The following IL15RA variants were observed in gnomAD, a reference collection of about 807,000 sequenced individuals.
IL15RA encodes the protein interleukin-15 receptor subunit alpha.
A neutral mutation model predicts 24.2 loss-of-function variants in IL15RA; 26 were observed. The observed-to-expected ratio is 1.07, with a 90% CI of 0.79 to 1.49. The LOEUF is 1.49. Among genes scored for constraint, IL15RA ranks in the 40% most tolerant of loss-of-function variants. The pLI is 0.00. For synonymous variants in IL15RA, 166 were observed against 157.6 expected, an observed-to-expected ratio of 1.05 and a Z score of -0.40; for missense variants, 354 against 356.4, an observed-to-expected ratio of 0.99 and a Z score of 0.05.
In IL15RA at chr10:5,962,967, AAC is replaced by A. The variant is rs1299638677; in HGVS notation, c.382+774_382+775del. ...TGACAAGCACCAAAGACTCTGTTGA[AAC>A]ACAGGACACTGGCAGCTTCAGGCAG... On this transcript the variant is annotated intron_variant, in intron 3 of 6. Coordinates refer to ENST00000379977, the MANE Select transcript of IL15RA (RefSeq NM_002189.4). The surrounding 1 kb of genome is among the most constrained non-coding windows in gnomAD (Gnocchi z 5.2). 6.6e-6 allele frequency among the ~76,000 whole-genome samples: 1 copy of A among 152,236 alleles called. No individual in the cohort carries two copies. Among genetic ancestry groups the A allele is most frequent in the Non-Finnish European group, 1.5e-5 (1 of 68,044 alleles).
In IL15RA at chr10:5,955,522, T is replaced by C. The variant is rs183197101; in HGVS notation, c.692+857A>G. On this transcript the variant is annotated intron_variant, in intron 6 of 6. Coordinates refer to ENST00000379977, the MANE Select transcript of IL15RA (RefSeq NM_002189.4). This position sits in a 1 kb window ranked among gnomAD's most constrained non-coding sequence, Gnocchi z 5.3. ...GTATCAGTATGGAATGCTGGAATAC[T>C]GGTTACTAATTGATAGAAGTACAAA... Among the ~76,000 whole-genome samples the C allele has an allele frequency of 2.0e-4, 30 of 152,356 alleles. No individual in the cohort carries two copies. The East Asian group carries it at 5.8e-3, about 29-fold the overall frequency.
At chr10:5,948,941 T>C, downstream of IL15RA, 1 of 227,244 alleles carries the variant, frequency 4.4e-6, no homozygotes, top group South Asian at 6.8e-5. Context: ...CAAGGCACAA[T>C]GTCAAAATAC....
Position 5,953,478 on chromosome 10 carries a change from G to T in IL15RA, c.693-272C>A, listed in dbSNP as rs528234648. On this transcript the variant is annotated intron_variant, in intron 6 of 6. Coordinates refer to ENST00000379977, the MANE Select transcript of IL15RA (RefSeq NM_002189.4). The surrounding 1 kb of genome is among the most constrained non-coding windows in gnomAD (Gnocchi z 5.3). ...AGCACTTTAGGAGGCTGTCGTGGGA[G>T]GATCGCTTGAGCCCAGAAGTTCAAG... is the stretch of plus-strand genomic sequence containing the variant. Among the ~76,000 whole-genome samples the T allele has an allele frequency of 3.9e-5, 6 of 152,264 alleles. No individual in the cohort carries two copies. In the South Asian group the frequency reaches 1.0e-3, roughly 26 times the overall value.
In IL15RA at chr10:5,970,835, G is replaced by A. The variant is rs562641490; in HGVS notation, c.89-4496C>T. ...GAGCACAATGGCATGATTATGCCCC[G>A]CTGCAGCCTCAAACTCCTGGCCTTA... On this transcript the variant is annotated intron_variant, in intron 1 of 6. Transcript: ENST00000379977. The surrounding 1 kb of genome is among the most constrained non-coding windows in gnomAD (Gnocchi z 4.1). Among the ~76,000 whole-genome samples the A allele has an allele frequency of 1.7e-4, 26 of 151,172 alleles. No individual in the cohort carries two copies. The highest frequency in any genetic ancestry group is 2.0e-4 in the Admixed American group (3 of 15,130).
rs764733517 is a variant in IL15RA at position 5,959,813 on chromosome 10, G to C, written c.584-27C>G. 25 of 1,612,648 alleles carry C rather than the reference G, an allele frequency of 1.6e-5. No individual in the cohort carries two copies. Among genetic ancestry groups the C allele is most frequent in the Non-Finnish European group, 2.0e-5 (24 of 1,178,982 alleles). ...TGCGGAAAAGAGAGGACAGCATCAC[G>C]GCTCGAGTCCTAGAGGTCCTAGTTC... On this transcript the variant is annotated intron_variant, in intron 4 of 6. Transcript: ENST00000379977. This position sits in a 1 kb window ranked among gnomAD's most constrained non-coding sequence, Gnocchi z 4.1.
Position 5,967,181 on chromosome 10 carries a change from GCCTTGCCTTA to G in IL15RA, c.89-852_89-843del, listed in dbSNP as rs200373854. On this transcript the variant is annotated intron_variant, in intron 1 of 6. Coordinates refer to ENST00000379977, the MANE Select transcript of IL15RA (RefSeq NM_002189.4). This position sits in a 1 kb window ranked among gnomAD's most constrained non-coding sequence, Gnocchi z 4.4. ...GCAAGATCGGGCCTTGCCTTGTCTT[GCCTTGCCTTA>G]CCTTGCCTTACCTTGCCTTGCCTTT... Among the ~76,000 whole-genome samples, 1 of 152,094 alleles carries G rather than the reference GCCTTGCCTTA, an allele frequency of 6.6e-6. No individual in the cohort carries two copies. The highest frequency in any genetic ancestry group is 1.5e-5 in the Non-Finnish European group (1 of 68,040).
chr10:5,965,130 T>G lies in IL15RA; in HGVS notation c.283+1015A>C, dbSNP rs1836293109. Among the ~76,000 whole-genome samples the G allele has an allele frequency of 1.3e-5, 2 of 152,186 alleles. No homozygotes were observed. Among genetic ancestry groups the G allele is most frequent in the African/African-American group, 4.8e-5 (2 of 41,448 alleles). ...GATGAACTGGGGAAGGAGAGAAGCC[T>G]GCAGAGGTGGGCCTGAGTGTTCCAG... On this transcript the variant is annotated intron_variant, in intron 2 of 6. Coordinates refer to ENST00000379977, the MANE Select transcript of IL15RA (RefSeq NM_002189.4). The surrounding 1 kb of genome is among the most constrained non-coding windows in gnomAD (Gnocchi z 5.8).
intron 5 of IL15RA, among the ~76,000 whole-genome samples, chr10:5,957,725 G>A (rs924575981): frequency 1.3e-5 from 2 of 151,806 alleles, no homozygotes; most frequent in Non-Finnish European, 2.9e-5. Flanking sequence ...CTGAGTAGCT[G>A]GGATTTCAGG....
intron 1 of IL15RA, among the ~76,000 whole-genome samples, chr10:5,976,161 C>T (rs1054704441): frequency 3.3e-5 from 5 of 152,052 alleles, no homozygotes; most frequent in African/African-American, 1.2e-4. Context: ...CACTGCTAGC[C>T]AACTGGGAGG....
In IL15RA at chr10:5,963,980, A is replaced by G; in HGVS notation, c.284-139T>C. On this transcript the variant is annotated intron_variant, in intron 2 of 6. Transcript: ENST00000379977. The surrounding 1 kb of genome is among the most constrained non-coding windows in gnomAD (Gnocchi z 5.3). ...TGGCTTCCTCAGACAGGTTAAAAGC[A>G]TAAGAAACAATGTTTCCCCACCCGA... 2 of 580,610 alleles carry G rather than the reference A, an allele frequency of 3.4e-6. No homozygotes were observed. Among genetic ancestry groups the G allele is most frequent in the South Asian group, 2.2e-5 (1 of 45,004 alleles). The allele number at this position is 580,610 out of a possible 1,614,324, so 36.0% of individuals were successfully genotyped here. A position where few individuals can be genotyped will look rare whatever the true frequency, so the allele number is the denominator to read the frequency against.
rs1026632043 is a variant in IL15RA at position 5,968,843 on chromosome 10, G to A, written c.89-2504C>T. 2.5e-5 allele frequency: 22 copies of A among 893,010 alleles called. No homozygotes were observed. The highest frequency in any genetic ancestry group is 6.6e-5 in the African/African-American group (4 of 60,652). 55.3% of individuals were successfully genotyped at this position (893,010 alleles called of 1,614,324 possible). On this transcript the variant is annotated intron_variant, in intron 1 of 6. Transcript: ENST00000379977. The surrounding 1 kb of genome is among the most constrained non-coding windows in gnomAD (Gnocchi z 5.4). ...AGTTTTCCATTGTCCTGAGTCTCAC[G>A]CAGGCCTCGTGTGTCTGGACCTCAT...
Position 5,973,246 on chromosome 10 carries a change from A to G in IL15RA, c.88+4159T>C, listed in dbSNP as rs1175531126. Among the ~76,000 whole-genome samples the G allele has an allele frequency of 1.3e-5, 2 of 152,174 alleles. No individual in the cohort carries two copies. Among genetic ancestry groups the G allele is most frequent in the African/African-American group, 4.8e-5 (2 of 41,436 alleles). On this transcript the variant is annotated intron_variant, in intron 1 of 6. Coordinates refer to ENST00000379977, the MANE Select transcript of IL15RA (RefSeq NM_002189.4). This position sits in a 1 kb window ranked among gnomAD's most constrained non-coding sequence, Gnocchi z 4.5. ...AAGAAGGAGACTTTGCACCTTAGTG[A>G]TATTGATTTGTCCAACCCATGAACA...
chr10:5,952,898 C>T lies in IL15RA; in HGVS notation c.*197G>A, dbSNP rs564483778. The stretch of plus-strand genomic sequence containing the variant: ...AGGCACGACAGGCAGGCAGGTGGTG[C>T]CCATGGGAATGCGGAGAACCTGCTC... On this transcript the variant is annotated 3_prime_UTR_variant, in exon 7 of 7. Coordinates refer to ENST00000379977, the MANE Select transcript of IL15RA (RefSeq NM_002189.4). 120 of 608,092 alleles carry T rather than the reference C, an allele frequency of 2.0e-4. No homozygotes were observed. In the African/African-American group the frequency reaches 2.0e-3, roughly 10 times the overall value. 37.7% of individuals were successfully genotyped at this position (608,092 alleles called of 1,614,324 possible).
rs551134192 is a variant in IL15RA, at chr10:5,964,957, C to A, written c.284-1116G>T. On this transcript the variant is annotated intron_variant, in intron 2 of 6. Transcript: ENST00000379977. The surrounding 1 kb of genome is among the most constrained non-coding windows in gnomAD (Gnocchi z 5.6). ...CCTTCCCTCTGCTGCCTGTGTGACT[C>A]GCTCTGTTCTGGGGGAGGAGGCTGA... Among the ~76,000 whole-genome samples the A allele has an allele frequency of 6.6e-6, 1 of 152,322 alleles. No homozygotes were observed. The highest frequency in any genetic ancestry group is 2.4e-5 in the African/African-American group (1 of 41,570).
intron 6 of IL15RA, chr10:5,954,101 A>G (rs528156656): frequency 2.0e-5 from 3 of 152,294 alleles, no homozygotes; most frequent in East Asian, 3.9e-4. Context: ...TGCAAAAAAC[A>G]AGTTTATGGA....
chr10:5,954,273 C>T (rs921112007), intron 6 of IL15RA, among the ~76,000 whole-genome samples: 5 of 151,412 alleles, frequency 3.3e-5, no homozygotes, highest in African/African-American at 1.2e-4. Flanking sequence ...CAACCACGCC[C>T]AGCTAACTTT....
chr10:5,962,694 G>A lies in IL15RA; in HGVS notation c.382+1049C>T, dbSNP rs570249027. On this transcript the variant is annotated intron_variant, in intron 3 of 6. Coordinates refer to ENST00000379977, the MANE Select transcript of IL15RA (RefSeq NM_002189.4). This position sits in a 1 kb window ranked among gnomAD's most constrained non-coding sequence, Gnocchi z 5.2. Reference sequence around the variant, plus strand: ...CCAGGTGATGTCAGTGTGTACCCACGGCTGACAACTGACACTCCGCAAAGG... The same window carrying A: ...CCAGGTGATGTCAGTGTGTACCCACAGCTGACAACTGACACTCCGCAAAGG... Among the ~76,000 whole-genome samples the A allele has an allele frequency of 4.1e-4, 63 of 152,088 alleles. No individual in the cohort carries two copies. The highest frequency in any genetic ancestry group is 1.2e-3 in the African/African-American group (51 of 41,488).
At position 5,959,253 on chromosome 10, in the gene IL15RA, T is replaced by C. The variant is rs1419771095; in HGVS notation, c.616+501A>G. Among the ~76,000 whole-genome samples, 1 of 151,176 alleles carries C rather than the reference T, an allele frequency of 6.6e-6. No homozygotes were observed. The highest frequency in any genetic ancestry group is 1.5e-5 in the Non-Finnish European group (1 of 67,728). On this transcript the variant is annotated intron_variant, in intron 5 of 6. Transcript: ENST00000379977. This position sits in a 1 kb window ranked among gnomAD's most constrained non-coding sequence, Gnocchi z 4.1. ...ATTCTGGCCTCAAGCAATCCTCCCA[T>C]TTCGGCCTCCCAAACTGCTGGGATT...
At chr10:5,949,153 G>A (rs144649015), downstream of IL15RA, 234 of 461,934 alleles carry the variant, frequency 5.1e-4, 3 homozygotes, top group East Asian at 0.012. The surrounding 1 kb of genome is among the most constrained non-coding windows in gnomAD (Gnocchi z 4.4). Flanking sequence ...GAGCCCAAAC[G>A]CTGGTGTCTT....
Sources: gnomAD v4.1 joint callset for allele counts (sites outside exome capture counted in the v4.1 genomes callset) on GRCh38, gnomAD v4.1.1 for gene constraint, Gnocchi (gnomAD v3.1) non-coding constraint, MANE v1.5 for transcripts, NCBI Gene and HGNC (gene_info 2026-07-23, HGNC 2026-07-21) for gene names.